The following ZNF385D variants were observed in gnomAD, a reference collection of about 807,000 sequenced individuals.
ZNF385D encodes zinc finger protein 385D, also known as zinc finger protein 659.
ZNF385D carries 15 observed loss-of-function variants against 35.8 expected under a neutral mutation model. That is an observed-to-expected ratio of 0.42 (90% CI 0.28 to 0.64). The LOEUF (loss-of-function observed/expected upper bound fraction) is 0.64, where lower values mean the gene tolerates loss of function less well. ZNF385D is among the 30% of genes least tolerant of loss of function. The probability of loss-of-function intolerance (pLI) is 0.23; values close to 1 mark genes in which losing one functional copy is unlikely to be tolerated. For missense variants in ZNF385D, 474 were observed against 494.6 expected (o/e 0.96, Z 0.39); for synonymous variants, 212 against 186.8 (o/e 1.13, Z -1.10).
At chr3:22,359,654 TGAGA>T in intron 2 of ZNF385D, among the ~76,000 whole-genome samples, 1 of 151,944 alleles carries the variant, frequency 6.6e-6, no homozygotes, top group Middle Eastern at 3.4e-3. Flanking sequence ...GCCTTGGTAT[TGAGA>T]GACAGTCATG....
At chr3:22,244,406 C>T (rs1317637453) in intron 2 of ZNF385D, among the ~76,000 whole-genome samples, 3 of 124,918 alleles carry the variant, frequency 2.4e-5, no homozygotes, top group South Asian at 2.8e-4. Flanking sequence ...AAACATAAAA[C>T]GCAGAAAAGT....
chr3:22,008,360 C>CTTTTTTTTTTTTTTT (rs67145956), intron 3 of ZNF385D, among the ~76,000 whole-genome samples: 1 of 131,938 alleles, frequency 7.6e-6, no homozygotes, highest in Non-Finnish European at 1.6e-5. Flanking sequence ...CCATGATTTT[C>CTTTTTTTTTTTTTTT]TTTTTTTTTT....
At chr3:21,999,116 C>T (rs1695674381) in intron 3 of ZNF385D, among the ~76,000 whole-genome samples, 1 of 152,144 alleles carries the variant, frequency 6.6e-6, no homozygotes, top group South Asian at 2.1e-4. Context: ...AGACATACAG[C>T]TATGCACATC....
intron 2 of ZNF385D, among the ~76,000 whole-genome samples, chr3:22,283,098 T>C (rs1267435575): frequency 2.6e-5 from 4 of 152,066 alleles, no homozygotes; most frequent in African/African-American, 2.4e-5. Context: ...AGGGACCTTA[T>C]ATAAATGATA....
At chr3:21,711,355 A>G (rs1252989742) in intron 1 of ZNF385D, among the ~76,000 whole-genome samples, 5 of 152,130 alleles carry the variant, frequency 3.3e-5, no homozygotes, top group Non-Finnish European at 5.9e-5. Flanking sequence ...AAAGTTTCAT[A>G]TAAATTAAAT....
At chr3:21,487,523 T>C (rs1325875425) in intron 4 of ZNF385D, among the ~76,000 whole-genome samples, 2 of 152,146 alleles carry the variant, frequency 1.3e-5, no homozygotes, top group Non-Finnish European at 2.9e-5. Flanking sequence ...ATGTATTTAC[T>C]GATGCTTCCA....
chr3:21,542,185 T>C (rs2062195634), intron 3 of ZNF385D, among the ~76,000 whole-genome samples: 1 of 152,222 alleles, frequency 6.6e-6, no homozygotes. Flanking sequence ...ATGTGAATTT[T>C]CATGTTTAGG....
rs565404492 is a variant in ZNF385D at position 22,084,745 on chromosome 3, C to A, written c.325+84072G>T. On this transcript the variant is annotated intron_variant, in intron 3 of 5. Transcript: ENST00000494108. ...GCAGACCTAATAGACATCTACAGAA[C>A]TCTCCACCCCAAATCAACAGAATAT... Among the ~76,000 whole-genome samples the A allele has an allele frequency of 2.0e-4, 31 of 152,288 alleles. No homozygotes were observed. In the South Asian group the frequency reaches 3.9e-3, roughly 19 times the overall value.
chr3:21,600,264 G>C (rs1480306002), intron 2 of ZNF385D, among the ~76,000 whole-genome samples: 2 of 152,106 alleles, frequency 1.3e-5, no homozygotes, highest in Non-Finnish European at 2.9e-5. Flanking sequence ...TAATAAACTT[G>C]CTTTCACTTT....
intron 1 of ZNF385D, among the ~76,000 whole-genome samples, chr3:21,670,986 C>T (rs1380924403): frequency 6.6e-6 from 1 of 152,022 alleles, no homozygotes; most frequent in African/African-American, 2.4e-5. Context: ...TCCTCTGCTA[C>T]CCTATTTGAC....
chr3:22,074,666 C>T (rs1015988860), intron 3 of ZNF385D, among the ~76,000 whole-genome samples: 24 of 151,926 alleles, frequency 1.6e-4, no homozygotes, highest in Admixed American at 1.2e-3. Flanking sequence ...AATTTTTATG[C>T]TCCCATTCTC....
chr3:21,598,149 A>G (rs1220101471), intron 2 of ZNF385D, among the ~76,000 whole-genome samples: 2 of 152,206 alleles, frequency 1.3e-5, no homozygotes, highest in Non-Finnish European at 2.9e-5. Flanking sequence ...AGAGAAACGC[A>G]TCCTGCAAAT....
intron 3 of ZNF385D, among the ~76,000 whole-genome samples, chr3:21,920,916 T>G (rs951108195): frequency 2.6e-5 from 4 of 151,950 alleles, no homozygotes; most frequent in Admixed American, 2.6e-4. Context: ...TGAACTCATT[T>G]AAGAAAAACA....
At chr3:22,278,645 T>C (rs1307730537) in intron 2 of ZNF385D, among the ~76,000 whole-genome samples, 1 of 152,066 alleles carries the variant, frequency 6.6e-6, no homozygotes, top group Admixed American at 6.6e-5. Flanking sequence ...GGCTGGAAAA[T>C]TCAAATATGT....
chr3:22,246,966 C>T (rs1699816912), intron 2 of ZNF385D, among the ~76,000 whole-genome samples: 1 of 152,058 alleles, frequency 6.6e-6, no homozygotes, highest in Non-Finnish European at 1.5e-5. Flanking sequence ...CACACAATTT[C>T]AATTTATAGA....
At chr3:21,936,859 A>G (rs1701284168) in intron 3 of ZNF385D, among the ~76,000 whole-genome samples, 1 of 152,166 alleles carries the variant, frequency 6.6e-6, no homozygotes, top group Admixed American at 6.5e-5. Flanking sequence ...GGCTTTTATT[A>G]GAAATTAAAG....
intron 3 of ZNF385D, among the ~76,000 whole-genome samples, chr3:21,789,930 G>A (rs1339691540): frequency 1.3e-5 from 2 of 152,152 alleles, no homozygotes; most frequent in Non-Finnish European, 1.5e-5. Context: ...GGGATGAAAA[G>A]CTCTTAACAG....
chr3:22,078,757 AT>A (rs931706209), intron 3 of ZNF385D, among the ~76,000 whole-genome samples: 9 of 152,108 alleles, frequency 5.9e-5, no homozygotes, highest in Admixed American at 3.3e-4. Flanking sequence ...AATGTCATAA[AT>A]TTGAAAAAGG....
chr3:22,322,073 G>A (rs957885933), intron 2 of ZNF385D, among the ~76,000 whole-genome samples: 3 of 151,986 alleles, frequency 2.0e-5, no homozygotes, highest in Admixed American at 1.3e-4. Flanking sequence ...TTAGGTCTCA[G>A]CTGTCACCAA....
Sources: allele counts gnomAD v4.1 joint callset (sites outside exome capture counted in the v4.1 genomes callset), GRCh38; gene constraint gnomAD v4.1.1; transcripts MANE v1.5; gene names NCBI Gene and HGNC (gene_info 2026-07-23, HGNC 2026-07-21).